Variants in SLC9A9 observed in about 807,000 individuals in gnomAD.
The protein encoded by SLC9A9 is solute carrier family 9 member A9, also known as sodium/hydrogen exchanger 9.
A neutral mutation model predicts 77.8 loss-of-function variants in SLC9A9; 62 were observed. That is an observed-to-expected ratio of 0.80 (90% confidence interval 0.65 to 0.98). The LOEUF is 0.98. SLC9A9 is among the 50% of genes least tolerant of loss of function. The pLI is 0.00. For missense variants in SLC9A9, 775 were observed against 774.9 expected (o/e 1.00, Z 0.00); for synonymous variants, 320 against 283.5 (o/e 1.13, Z -1.29).
chr3:143,318,467 T>C (rs1462857925), intron 14 of SLC9A9, among the ~76,000 whole-genome samples: 1 of 152,204 alleles, frequency 6.6e-6, no homozygotes, highest in Non-Finnish European at 1.5e-5. Context: ...AGGAGAAAAG[T>C]GATTTGCTTG....
intron 6 of SLC9A9, among the ~76,000 whole-genome samples, chr3:143,608,513 C>A (rs954499109): frequency 6.6e-6 from 1 of 152,130 alleles, no homozygotes; most frequent in African/African-American, 2.4e-5. Context: ...ATGACATCAG[C>A]GGGCCAAGGA....
intron 9 of SLC9A9, among the ~76,000 whole-genome samples, chr3:143,515,027 C>T (rs929194470): frequency 6.6e-6 from 1 of 152,142 alleles, no homozygotes; most frequent in Admixed American, 6.5e-5. Context: ...TTGATTTCAA[C>T]CCAGACATGT....
chr3:143,567,186 A>C (rs183213071), intron 8 of SLC9A9, among the ~76,000 whole-genome samples: 1 of 152,240 alleles, frequency 6.6e-6, no homozygotes, highest in East Asian at 1.9e-4. Context: ...GTATGTGTAC[A>C]ATGTCCTTCT....
intron 5 of SLC9A9, among the ~76,000 whole-genome samples, chr3:143,663,451 G>A (rs1264580171): frequency 1.3e-5 from 2 of 152,206 alleles, no homozygotes; most frequent in African/African-American, 4.8e-5. Context: ...GAACAAAGCT[G>A]GATGGAGAAC....
intron 12 of SLC9A9, among the ~76,000 whole-genome samples, chr3:143,441,559 T>C (rs940677160): frequency 2.0e-5 from 3 of 152,162 alleles, no homozygotes; most frequent in African/African-American, 7.2e-5. Context: ...CCTTCAAGCA[T>C]TTAGGACAAC....
chr3:143,336,906 TA>T (rs2031941302), intron 14 of SLC9A9, among the ~76,000 whole-genome samples: 1 of 152,142 alleles, frequency 6.6e-6, no homozygotes, highest in Non-Finnish European at 1.5e-5. Context: ...CATTAATATT[TA>T]AAAAAATTTT....
At chr3:143,287,061 T>A (rs1166993660) in intron 14 of SLC9A9, among the ~76,000 whole-genome samples, 2 of 152,056 alleles carry the variant, frequency 1.3e-5, no homozygotes, top group Non-Finnish European at 2.9e-5. Flanking sequence ...AAGCTTGGAT[T>A]ATCTGAGACA....
At chr3:143,635,346 T>C (rs1178270687) in intron 6 of SLC9A9, among the ~76,000 whole-genome samples, 1 of 152,198 alleles carries the variant, frequency 6.6e-6, no homozygotes. Context: ...ACAGCATCCC[T>C]TCTGTATTCT....
intron 1 of SLC9A9, among the ~76,000 whole-genome samples, chr3:143,835,336 A>G (rs561089578): frequency 6.6e-6 from 1 of 152,342 alleles, no homozygotes; most frequent in Admixed American, 6.5e-5. Flanking sequence ...GAGAAGAAAC[A>G]ACATCTTGCT....
intron 6 of SLC9A9, among the ~76,000 whole-genome samples, chr3:143,625,307 G>C (rs2038300050): frequency 6.6e-6 from 1 of 152,182 alleles, no homozygotes; most frequent in African/African-American, 2.4e-5. Flanking sequence ...GCATTGCCAA[G>C]TCAATCCTAA....
At chr3:143,461,288 G>A (rs1330579721) in intron 12 of SLC9A9, among the ~76,000 whole-genome samples, 1 of 152,164 alleles carries the variant, frequency 6.6e-6, no homozygotes, top group Non-Finnish European at 1.5e-5. Flanking sequence ...GGAGTTGCCT[G>A]TAAAATTGGT....
rs188010993 is a variant in SLC9A9 at position 143,758,176 on chromosome 3, C to T, written c.533+36825G>A. On this transcript the variant is annotated intron_variant, in intron 4 of 15. Coordinates refer to ENST00000316549, the MANE Select transcript of SLC9A9 (RefSeq NM_173653.4). ...AATGAGGCCATTGCCAACTCATGGT[C>T]GATAGCCCACACTAACCCAAGGTTG... Among the ~76,000 whole-genome samples, 8 of 152,252 alleles carry T rather than the reference C, an allele frequency of 5.3e-5. No individual in the cohort carries two copies. In the East Asian group the frequency reaches 1.5e-3, roughly 29 times the overall value.
At chr3:143,615,535 T>C (rs1480350980) in intron 6 of SLC9A9, among the ~76,000 whole-genome samples, 1 of 151,512 alleles carries the variant, frequency 6.6e-6, no homozygotes, top group Non-Finnish European at 1.5e-5. Context: ...AACATCAGAC[T>C]GTGTCTAAGA....
intron 6 of SLC9A9, among the ~76,000 whole-genome samples, chr3:143,591,088 C>T (rs1343991805): frequency 2.0e-5 from 3 of 152,144 alleles, no homozygotes; most frequent in African/African-American, 4.8e-5. Context: ...CTGCCTGAGA[C>T]GGCCTGAGGG....
chr3:143,389,846 C>T (rs1045557186), intron 12 of SLC9A9, among the ~76,000 whole-genome samples: 6 of 151,942 alleles, frequency 3.9e-5, no homozygotes, highest in South Asian at 2.1e-4. Context: ...ACAGTTTGGA[C>T]GTCTTATTTA....
chr3:143,538,778 G>T (rs768410587), intron 9 of SLC9A9, among the ~76,000 whole-genome samples: 1 of 152,206 alleles, frequency 6.6e-6, no homozygotes, highest in South Asian at 2.1e-4. Flanking sequence ...AGGGTATGAA[G>T]CAATTGTCCT....
intron 14 of SLC9A9, among the ~76,000 whole-genome samples, chr3:143,324,853 T>G (rs2031532261): frequency 6.6e-6 from 1 of 152,160 alleles, no homozygotes; most frequent in African/African-American, 2.4e-5. Flanking sequence ...CCTAGCAATC[T>G]GCACTAAAAC....
At chr3:143,493,404 T>C (rs879474438) in intron 11 of SLC9A9, among the ~76,000 whole-genome samples, 1 of 152,216 alleles carries the variant, frequency 6.6e-6, no homozygotes, top group Non-Finnish European at 1.5e-5. Flanking sequence ...ATGTCCACTC[T>C]AGGCCAGTTT....
At chr3:143,679,652 A>G (rs563546480) in intron 5 of SLC9A9, among the ~76,000 whole-genome samples, 1 of 152,322 alleles carries the variant, frequency 6.6e-6, no homozygotes, top group African/African-American at 2.4e-5. Flanking sequence ...GATGACGGCA[A>G]ATGAAAATGA....
Sources: allele counts gnomAD v4.1 joint callset (sites outside exome capture counted in the v4.1 genomes callset), GRCh38; gene constraint gnomAD v4.1.1; transcripts MANE v1.5; gene names NCBI Gene and HGNC (gene_info 2026-07-23, HGNC 2026-07-21).